The following PIEZO1 variants were observed in gnomAD, a reference collection of about 807,000 sequenced individuals.
PIEZO1 encodes piezo-type mechanosensitive ion channel component 1.
PIEZO1 carries 296 observed loss-of-function variants against 297.2 expected under a neutral mutation model. That is an observed-to-expected ratio of 1.00 (90% CI 0.91 to 1.10). The LOEUF (loss-of-function observed/expected upper bound fraction) is 1.10, where lower values mean the gene tolerates loss of function less well. Among genes scored for constraint, PIEZO1 ranks in the 50% least tolerant of loss-of-function variants. The pLI is 0.00. For synonymous variants in PIEZO1, 2,427 were observed against 1,507.5 expected, an observed-to-expected ratio of 1.61 and a Z score of -14.13; for missense variants, 5,018 against 3,455.5, an observed-to-expected ratio of 1.45 and a Z score of -11.34.
chr16:88,731,953 G>GTGGGGATGCACTGAGTCT (rs772144581), intron 21 of PIEZO1, 43 bp from the exon 22 acceptor site: 1 of 285,692 alleles, frequency 3.5e-6, no homozygotes, highest in Non-Finnish European at 6.8e-6. Flanking sequence ...CACTGAGTCT[G>GTGGGGATGCACTGAGTCT]GGGGGAGGGA....
intron 1 of PIEZO1, among the ~76,000 whole-genome samples, chr16:88,762,309 A>G (rs1906969617): frequency 6.6e-6 from 1 of 151,392 alleles, no homozygotes; most frequent in African/African-American, 2.4e-5. Flanking sequence ...ACAAAGTAAG[A>G]CCTCCCACTC....
chr16:88,751,908 C>T (rs1007020790), intron 1 of PIEZO1, among the ~76,000 whole-genome samples: 12 of 152,164 alleles, frequency 7.9e-5, no homozygotes, highest in Admixed American at 6.5e-5. Context: ...CTGCCAGGAA[C>T]GTCCAATGCT....
chr16:88,721,783 C>A, intron 37 of PIEZO1, 25 bp downstream of exon 37: 2 of 1,537,954 alleles, frequency 1.3e-6, no homozygotes, highest in Non-Finnish European at 1.8e-6. Context: ...GGCCGGGCGC[C>A]CCCTCCCCCG....
chr16:88,716,163 C>T, intron 49 of PIEZO1, 35 bp downstream of exon 49: 1 of 1,520,018 alleles, frequency 6.6e-7, no homozygotes, highest in African/African-American at 1.4e-5. Flanking sequence ...GGTCACCCCT[C>T]TCTAGCCTCC....
Position 88,742,053 on chromosome 16 carries a change from C to T in PIEZO1, c.326G>A (p.Arg109Lys), listed in dbSNP as rs1011912291. 3.3e-6 allele frequency: 5 copies of T among 1,536,006 alleles called. No individual in the cohort carries two copies. Among genetic ancestry groups the T allele is most frequent in the African/African-American group, 1.4e-5 (1 of 72,992 alleles). The stretch of plus-strand genomic sequence containing the variant: ...TTGGGGGTGGGAGGAATGGTCTTAC[C>T]TTGTGACCCCTATGTGTCGCGAGAG... The part of the protein sequence containing the change: ...ETLSRHIGVT[R>K]LDLKDIPNAI... The change falls in exon 4 of 51, where the codon AGG becomes AAG. Residue 109 changes from arginine to lysine, a missense_variant and splice_region_variant. By Grantham distance (26) the Arg-to-Lys change is conservative. Coordinates refer to ENST00000301015, the MANE Select transcript of PIEZO1 (RefSeq NM_001142864.4).
At chr16:88,745,275 TGA>T (rs2142852836) in intron 2 of PIEZO1, 1 of 151,236 alleles carries the variant, frequency 6.6e-6, no homozygotes, top group East Asian at 2.0e-4. Context: ...GGAAAGGGAG[TGA>T]GAGGAGGCTC....
chr16:88,768,422 G>A (rs1328754794), intron 1 of PIEZO1, among the ~76,000 whole-genome samples: 2 of 152,228 alleles, frequency 1.3e-5, no homozygotes, highest in African/African-American at 4.8e-5. Flanking sequence ...GACGGCCCTG[G>A]CTAAAACCTA....
Position 88,742,111 on chromosome 16 carries a change from G to A in PIEZO1, c.284-16C>T. 1 of 1,535,774 alleles carries A rather than the reference G, an allele frequency of 6.5e-7. No individual in the cohort carries two copies. The highest frequency in any genetic ancestry group is 1.2e-5 in the South Asian group (1 of 84,036). ...CAGCGGCTGCCTGCAGAGAAAGACG[G>A]GGGAACCCAGGTCAGGCTCTGCCCA... is the stretch of plus-strand genomic sequence containing the variant. On this transcript the variant is annotated splice_polypyrimidine_tract_variant and intron_variant, in intron 3 of 50. Transcript: ENST00000301015.
Position 88,768,569 on chromosome 16 carries a change from G to A in PIEZO1, c.64+16332C>T, listed in dbSNP as rs560550284. 5.3e-5 allele frequency among the ~76,000 whole-genome samples: 8 copies of A among 152,330 alleles called. No homozygotes were observed. In the South Asian group the frequency reaches 8.3e-4, roughly 16 times the overall value. On this transcript the variant is annotated intron_variant, in intron 1 of 50. Transcript: ENST00000301015. The stretch of plus-strand genomic sequence containing the variant: ...GAGCAGCCGAACTCCCGGGGGTCCC[G>A]GGTGGCCCTGACAAGCAGGTTGTGG...
chr16:88,723,403 G>C, intron 31 of PIEZO1, 75 bp from the exon 32 acceptor site: 1 of 1,499,260 alleles, frequency 6.7e-7, no homozygotes, highest in Non-Finnish European at 9.0e-7. Flanking sequence ...GGTTGGGCAA[G>C]CCGGGCGCCA....
At chr16:88,733,225 GA>G (rs1350337942) in intron 19 of PIEZO1, 52 bp downstream of exon 19, 7 of 1,491,134 alleles carry the variant, frequency 4.7e-6, no homozygotes, top group African/African-American at 1.4e-5. Flanking sequence ...GTCGGGCTGC[GA>G]ATACAGAGTT....
At chr16:88,721,476 G>A (rs888048546) in intron 38 of PIEZO1, 46 bp from the exon 39 acceptor site, 6 of 1,538,962 alleles carry the variant, frequency 3.9e-6, no homozygotes, top group Non-Finnish European at 5.3e-6. Flanking sequence ...CTCCCTGGTG[G>A]AGAGCACAGG....
chr16:88,717,570 T>G (rs1291752877), intron 44 of PIEZO1: 1 of 483,988 alleles, frequency 2.1e-6, no homozygotes, highest in South Asian at 1.5e-5. Context: ...ACTTCAGAGC[T>G]AAAACTATAG....
At chr16:88,769,392 G>A (rs547659213) in intron 1 of PIEZO1, among the ~76,000 whole-genome samples, 64 of 152,206 alleles carry the variant, frequency 4.2e-4, no homozygotes, top group African/African-American at 1.0e-3. Flanking sequence ...GTGACCTGGC[G>A]TATGAAGTCA....
In PIEZO1 at chr16:88,738,273, T is replaced by G; in HGVS notation, c.802A>C (p.Met268Leu). Residue 268 changes from methionine to leucine, a missense_variant, in exon 7 of 51, where the codon ATG (methionine) becomes CTG (leucine). Met to Leu is a conservative substitution (Grantham distance 15). Transcript: ENST00000301015. Reference sequence around the variant, plus strand: ...GGGAGCAGAGCCTGTGCCAAGGGCATCTGGTAGCAGTAGAGGCAGATGAGA... The same window carrying G: ...GGGAGCAGAGCCTGTGCCAAGGGCAGCTGGTAGCAGTAGAGGCAGATGAGA... ...GHLICLYCYQ[M>L]PLAQALLPPA... The G allele has an allele frequency of 6.5e-7, 1 of 1,535,830 alleles. No individual in the cohort carries two copies. The highest frequency in any genetic ancestry group is 1.4e-5 in the African/African-American group (1 of 73,148).
Position 88,733,919 on chromosome 16 carries a change from C to G in PIEZO1, c.2316G>C (p.Thr772=), listed in dbSNP as rs542531524. The change falls in exon 17 of 51, where the codon ACG becomes ACC. Residue 772 remains threonine (T), a synonymous_variant. Coordinates refer to ENST00000301015, the MANE Select transcript of PIEZO1 (RefSeq NM_001142864.4). ...CGCCCAACCCACCTTCAGGCACCTG[C>G]GTGGCCTGGTGGGGAGTGGCCACGC... is the stretch of plus-strand genomic sequence containing the variant. The part of the protein sequence containing the change: ...GLGVATPHQA[T]QVPEGAAKWG... 60 of 1,514,876 alleles carry G rather than the reference C, an allele frequency of 4.0e-5. No individual in the cohort carries two copies. In the African/African-American group the frequency reaches 7.0e-4, roughly 18 times the overall value. The allele number at this position is 1,514,876 out of a possible 1,614,324, so 93.8% of individuals were successfully genotyped here.
At position 88,723,962 on chromosome 16, in the gene PIEZO1, G is replaced by C. The variant is rs781334829; in HGVS notation, c.4244C>G (p.Ser1415Cys). Residue 1415 changes from serine to cysteine, a missense_variant, in exon 31 of 51, where the codon TCC becomes TGC. Transcript: ENST00000301015. The part of the protein sequence containing the change: ...PWLDHATVIH[S>C]GDYFLFESDS... ...GGACTCAAACAGGAAGTAGTCCCCG[G>C]AGTGGATGACTGTGGGCAGGCAGCA... The C allele has an allele frequency of 6.5e-7, 1 of 1,544,420 alleles. No individual in the cohort carries two copies. Among genetic ancestry groups the C allele is most frequent in the South Asian group, 1.2e-5 (1 of 83,944 alleles).
At chr16:88,759,347 G>C (rs956112904) in intron 1 of PIEZO1, among the ~76,000 whole-genome samples, 1 of 152,192 alleles carries the variant, frequency 6.6e-6, no homozygotes, top group Admixed American at 6.5e-5. Context: ...GTGAGGGCAG[G>C]CGAGGATCAG....
intron 1 of PIEZO1, among the ~76,000 whole-genome samples, chr16:88,754,759 G>C (rs894292249): frequency 2.0e-5 from 3 of 152,216 alleles, no homozygotes; most frequent in African/African-American, 7.2e-5. Flanking sequence ...GCCGGGGCCC[G>C]CAGGCCAGCG....
Sources: gnomAD v4.1 joint callset for allele counts (sites outside exome capture counted in the v4.1 genomes callset) on GRCh38, gnomAD v4.1.1 for gene constraint, MANE v1.5 for transcripts, NCBI Gene and HGNC (gene_info 2026-07-23, HGNC 2026-07-21) for gene names.